KCNS3: variants seen among roughly 807,000 people sequenced by gnomAD.
KCNS3 encodes the protein delayed-rectifier potassium channel regulatory subunit KCNS3.
A neutral mutation model predicts 31.0 loss-of-function variants in KCNS3; 13 were observed. The ratio of observed to expected loss-of-function variants is 0.42; its 90% CI spans 0.27 to 0.67. The LOEUF is 0.67. KCNS3 is among the 30% of genes least tolerant of loss of function. The probability of loss-of-function intolerance (pLI) is 0.25; values close to 1 mark genes in which losing one functional copy is unlikely to be tolerated. For synonymous variants in KCNS3, 238 were observed against 241.5 expected (o/e 0.99, Z 0.13); for missense variants, 545 against 622.4 (o/e 0.88, Z 1.32).
chr2:17,902,755 C>T (rs746608660), intron 1 of KCNS3, among the ~76,000 whole-genome samples: 3 of 152,160 alleles, frequency 2.0e-5, no homozygotes, highest in Non-Finnish European at 4.4e-5. Context: ...TGAGTGTGTG[C>T]ATTGTCCATT....
At chr2:17,919,743 CCTGA>C (rs1286802001) in intron 2 of KCNS3, 1 of 152,258 alleles carries the variant, frequency 6.6e-6, no homozygotes, top group African/African-American at 2.4e-5. Flanking sequence ...AGTTTTCTTG[CCTGA>C]CTGTTTGGCC....
rs369596196 is a variant in KCNS3 at position 17,930,419 on chromosome 2, A to T, written c.-59-531A>T. On this transcript the variant is annotated intron_variant, in intron 2 of 2. Coordinates refer to ENST00000304101, the MANE Select transcript of KCNS3 (RefSeq NM_002252.5). ...TTAAAGGAGTAAAACATTGGTACGC[A>T]AAGGGAAACTCACATCCTTTGTAAG... Among the ~76,000 whole-genome samples the T allele has an allele frequency of 1.3e-4, 20 of 152,324 alleles. No homozygotes were observed. In the East Asian group the frequency reaches 3.7e-3, roughly 28 times the overall value.
rs373165416 is a variant in KCNS3 at position 17,909,112 on chromosome 2, C to T, written c.-251-8568C>T. ...GAGCTGCAGTGGGCTCCACCCAGTT[C>T]GAGCTTCTGGGCTGCTTTGTTTACC... On this transcript the variant is annotated intron_variant, in intron 1 of 2. Coordinates refer to ENST00000304101, the MANE Select transcript of KCNS3 (RefSeq NM_002252.5). 8.8e-4 allele frequency among the ~76,000 whole-genome samples: 134 copies of T among 152,348 alleles called. 1 individual carries two copies. In the East Asian group the frequency reaches 0.015, roughly 17 times the overall value.
Position 17,931,783 on chromosome 2 carries a change from G to C in KCNS3, c.775G>C (p.Asp259His). ...KFWKNPLNII[D>H]FVSIIPFYAT... is the part of the protein sequence containing the mutation. ...CTGGAAAAACCCTCTGAACATCATTGACTTTGTCTCTATTATTCCCTTCTA... is the reference window on the plus strand; with the variant it reads ...CTGGAAAAACCCTCTGAACATCATTCACTTTGTCTCTATTATTCCCTTCTA... Residue 259 changes from aspartate to histidine, a missense_variant, in exon 3 of 3, where the codon GAC (aspartate) becomes CAC (histidine). Coordinates refer to ENST00000304101, the MANE Select transcript of KCNS3 (RefSeq NM_002252.5). The surrounding 1 kb of genome is among the most constrained non-coding windows in gnomAD (Gnocchi z 5.4). 1 of 1,614,120 alleles carries C rather than the reference G, an allele frequency of 6.2e-7. No individual in the cohort carries two copies. The highest frequency in any genetic ancestry group is 1.1e-5 in the South Asian group (1 of 91,080).
chr2:17,879,013 AGAGCCCGCCGTCGCTG>A (rs1674577413), intron 1 of KCNS3, among the ~76,000 whole-genome samples: 1 of 152,182 alleles, frequency 6.6e-6, no homozygotes, highest in Non-Finnish European at 1.5e-5. Context: ...TCTGGTCCCC[AGAGCCCGCCGTCGCTG>A]GAGCCCTAAG....
Position 17,931,267 on chromosome 2 carries a change from A to T in KCNS3, c.259A>T (p.Lys87Ter). 1 of 1,614,130 alleles carries T rather than the reference A, an allele frequency of 6.2e-7. No individual in the cohort carries two copies. Among genetic ancestry groups the T allele is most frequent in the Non-Finnish European group, 8.5e-7 (1 of 1,180,018 alleles). The part of the protein sequence containing the change: ...RYVLNFYYTG[K>*]LHVMEELCVF... ...TGTTTTGAATTTTTATTACACGGGG[A>T]AGCTGCATGTCATGGAGGAGCTGTG... Residue 87 changes from lysine (K) to a stop codon, truncating the protein, a stop_gained, in exon 3 of 3, where the codon AAG becomes TAG. Transcript: ENST00000304101. LOFTEE classifies it high-confidence loss of function. The surrounding 1 kb of genome is among the most constrained non-coding windows in gnomAD (Gnocchi z 5.4).
At position 17,884,198 on chromosome 2, in the gene KCNS3, A is replaced by G. The variant is rs1426775952; in HGVS notation, c.-252+5392A>G. ...TGCAGCACACCAACATGGCACATGTATACATATGTAACAAACCTGCACGTT... is the reference window on the plus strand; with the variant it reads ...TGCAGCACACCAACATGGCACATGTGTACATATGTAACAAACCTGCACGTT... On this transcript the variant is annotated intron_variant, in intron 1 of 2. Coordinates refer to ENST00000304101, the MANE Select transcript of KCNS3 (RefSeq NM_002252.5). Among the ~76,000 whole-genome samples, 17 of 147,866 alleles carry G rather than the reference A, an allele frequency of 1.1e-4. No individual in the cohort carries two copies. The East Asian group carries it at 3.1e-3, about 27-fold the overall frequency.
intron 1 of KCNS3, among the ~76,000 whole-genome samples, chr2:17,892,628 C>T (rs1321915515): frequency 6.6e-6 from 1 of 152,136 alleles, no homozygotes; most frequent in African/African-American, 2.4e-5. Context: ...ACTGGGTGTT[C>T]CCTTGATGTA....
intron 1 of KCNS3, among the ~76,000 whole-genome samples, chr2:17,904,792 G>C (rs1662276416): frequency 1.3e-5 from 2 of 152,232 alleles, no homozygotes; most frequent in South Asian, 4.1e-4. Context: ...TTATTTCTGA[G>C]GGCTCTGTTC....
intron 1 of KCNS3, among the ~76,000 whole-genome samples, chr2:17,889,356 G>A (rs1241254767): frequency 5.3e-5 from 8 of 152,130 alleles, no homozygotes; most frequent in East Asian, 1.9e-4. Flanking sequence ...CAAGGTAAAC[G>A]ATCATATCAC....
At position 17,916,778 on chromosome 2, in the gene KCNS3, A is replaced by T. The variant is rs191866411; in HGVS notation, c.-251-902A>T. On this transcript the variant is annotated intron_variant, in intron 1 of 2. Coordinates refer to ENST00000304101, the MANE Select transcript of KCNS3 (RefSeq NM_002252.5). ...CAGTGCCTAAGATAATGCCCAGCAGATCATAAACCACAGTGAATGTTTGTT... is the reference window on the plus strand; with the variant it reads ...CAGTGCCTAAGATAATGCCCAGCAGTTCATAAACCACAGTGAATGTTTGTT... Among the ~76,000 whole-genome samples, 462 of 150,738 alleles carry T rather than the reference A, an allele frequency of 3.1e-3. 1 individual carries two copies. Among genetic ancestry groups the T allele is most frequent in the African/African-American group, 0.011 (435 of 40,616 alleles).
chr2:17,891,529 A>AT (rs1661855918), intron 1 of KCNS3, among the ~76,000 whole-genome samples: 2 of 151,754 alleles, frequency 1.3e-5, no homozygotes, highest in East Asian at 3.9e-4. Context: ...GTCCTGTGTG[A>AT]TTTTTGCTTT....
chr2:17,926,694 T>A (rs565113924), intron 2 of KCNS3, among the ~76,000 whole-genome samples: 20 of 152,334 alleles, frequency 1.3e-4, no homozygotes, highest in Non-Finnish European at 2.5e-4. Flanking sequence ...CTGGGTGCCA[T>A]GTTGCAAGGC....
chr2:17,900,529 G>A (rs533319598), intron 1 of KCNS3, among the ~76,000 whole-genome samples: 51 of 152,062 alleles, frequency 3.4e-4, no homozygotes, highest in South Asian at 2.3e-3. Flanking sequence ...TCGCTGTGTC[G>A]CCCAGGCTGG....
chr2:17,908,366 C>CT (rs997576960), intron 1 of KCNS3, among the ~76,000 whole-genome samples: 10 of 152,158 alleles, frequency 6.6e-5, no homozygotes, highest in African/African-American at 2.4e-4. Flanking sequence ...TTCTTCTAAT[C>CT]TTTTTTCAAG....
At chr2:17,891,526 G>A (rs1437937312) in intron 1 of KCNS3, among the ~76,000 whole-genome samples, 1 of 152,112 alleles carries the variant, frequency 6.6e-6, no homozygotes, top group East Asian at 1.9e-4. Context: ...CAGGTCCTGT[G>A]TGATTTTTGC....
intron 1 of KCNS3, among the ~76,000 whole-genome samples, chr2:17,907,499 C>A (rs571970147): frequency 6.8e-4 from 104 of 152,216 alleles, no homozygotes; most frequent in Middle Eastern, 3.4e-3. Flanking sequence ...TGATCCACTC[C>A]TTATGATGTT....
At chr2:17,922,960 C>T (rs762792265) in intron 2 of KCNS3, among the ~76,000 whole-genome samples, 1 of 152,028 alleles carries the variant, frequency 6.6e-6, no homozygotes, top group East Asian at 1.9e-4. Context: ...TGGGACTATA[C>T]CTAGGAATGG....
intron 2 of KCNS3, among the ~76,000 whole-genome samples, chr2:17,928,330 G>A (rs1265826463): frequency 1.3e-5 from 2 of 152,074 alleles, no homozygotes; most frequent in Admixed American, 1.3e-4. Context: ...GCAGTAGTGC[G>A]ATCTCGGCTC....
Sources: gnomAD v4.1 joint callset for allele counts (sites outside exome capture counted in the v4.1 genomes callset) on GRCh38, gnomAD v4.1.1 for gene constraint, Gnocchi (gnomAD v3.1) non-coding constraint, MANE v1.5 for transcripts, NCBI Gene and HGNC (gene_info 2026-07-23, HGNC 2026-07-21) for gene names.